LPP: variants seen among roughly 807,000 people sequenced by gnomAD.
The protein encoded by LPP is lipoma-preferred partner.
A neutral mutation model predicts 60.4 loss-of-function variants in LPP; 38 were observed. The ratio of observed to expected loss-of-function variants is 0.63; its 90% CI spans 0.49 to 0.83. The LOEUF (loss-of-function observed/expected upper bound fraction) is 0.83. Among genes scored for constraint, LPP ranks in the 40% least tolerant of loss-of-function variants. The probability of loss-of-function intolerance (pLI) is 0.00; values close to 1 mark genes in which losing one functional copy is unlikely to be tolerated. For synonymous variants in LPP, 328 were observed against 290.8 expected, an observed-to-expected ratio of 1.13 and a Z score of -1.30; for missense variants, 902 against 783.6, an observed-to-expected ratio of 1.15 and a Z score of -1.80.
At chr3:188,563,556 CTATT>C (rs1831306289) in intron 6 of LPP, among the ~76,000 whole-genome samples, 4 of 150,284 alleles carry the variant, frequency 2.7e-5, no homozygotes, top group South Asian at 2.1e-4. Context: ...ATTTGCCATA[CTATT>C]TTTAATTCTG....
intron 7 of LPP, among the ~76,000 whole-genome samples, chr3:188,692,535 G>A (rs1862355276): frequency 6.6e-6 from 1 of 152,144 alleles, no homozygotes; most frequent in Non-Finnish European, 1.5e-5. Context: ...TCTTGAGAAT[G>A]TCCCTTCATC....
Position 188,217,756 on chromosome 3 carries a change from C to G in LPP, c.-189-7649C>G, listed in dbSNP as rs1714208270. ...TGCCCTAGGGGGTTGCCCAGATAAG[C>G]AGCTGGCGTTCCAAGACCAAAGAGT... On this transcript the variant is annotated intron_variant, in intron 1 of 11. Transcript: ENST00000617246. This position sits in a 1 kb window ranked among gnomAD's most constrained non-coding sequence, Gnocchi z 4.0. 6.6e-6 allele frequency among the ~76,000 whole-genome samples: 1 copy of G among 152,144 alleles called. No homozygotes were observed. Among genetic ancestry groups the G allele is most frequent in the African/African-American group, 2.4e-5 (1 of 41,424 alleles).
At position 188,170,441 on chromosome 3, in the gene LPP, C is replaced by T. The variant is rs145951258; in HGVS notation, c.-190+16189C>T. On this transcript the variant is annotated intron_variant, in intron 1 of 11. Coordinates refer to ENST00000617246, the MANE Select transcript of LPP (RefSeq NM_001375462.1). ...CGCCTCCCAGGCTCAAGCAATTCCA[C>T]TGCCTCAGCCTCCTGAGTAGCTGGG... Among the ~76,000 whole-genome samples, 298 of 151,136 alleles carry T rather than the reference C, an allele frequency of 2.0e-3. 2 individuals are homozygous for T. The highest frequency in any genetic ancestry group is 7.0e-3 in the African/African-American group (288 of 41,124).
At chr3:188,599,301 T>G (rs1840601354) in intron 6 of LPP, among the ~76,000 whole-genome samples, 1 of 152,102 alleles carries the variant, frequency 6.6e-6, no homozygotes, top group African/African-American at 2.4e-5. Flanking sequence ...TTTCTTAGTT[T>G]TAATCTGATG....
At chr3:188,607,408 TATATATATAA>T (rs368260876) in intron 6 of LPP, among the ~76,000 whole-genome samples, 1,118 of 42,608 alleles carry the variant, frequency 0.026, 57 homozygotes, top group Middle Eastern at 0.051. Context: ...TATATATATA[TATATATATAA>T]TTTTTTTTTC....
chr3:188,646,063 A>T lies in LPP; in HGVS notation c.1113+36219A>T, dbSNP rs147655983. 1.3e-3 allele frequency among the ~76,000 whole-genome samples: 192 copies of T among 152,310 alleles called. 1 individual carries two copies. The highest frequency in any genetic ancestry group is 4.5e-3 in the African/African-American group (188 of 41,580). On this transcript the variant is annotated intron_variant, in intron 7 of 11. Coordinates refer to ENST00000617246, the MANE Select transcript of LPP (RefSeq NM_001375462.1). Reference sequence around the variant, plus strand: ...GATTTCTTCCGATTTTGACATTGTTATATGTCCTTACCTGTAAAATGAAGA... The same window carrying T: ...GATTTCTTCCGATTTTGACATTGTTTTATGTCCTTACCTGTAAAATGAAGA...
At chr3:188,866,145 G>C (rs1190445233) in intron 9 of LPP, 55 bp from the exon 10 acceptor site, 12 of 1,339,632 alleles carry the variant, frequency 9.0e-6, no homozygotes, top group Non-Finnish European at 1.2e-5. Flanking sequence ...TGCCTGTCAT[G>C]CAGTATGGAC....
At chr3:188,778,403 AG>A (rs1485248721) in intron 9 of LPP, among the ~76,000 whole-genome samples, 1 of 152,210 alleles carries the variant, frequency 6.6e-6, no homozygotes, top group Non-Finnish European at 1.5e-5. Context: ...TACTTCTCAA[AG>A]ATACTAGGAA....
chr3:188,551,917 C>G (rs1444917103), intron 6 of LPP, among the ~76,000 whole-genome samples: 3 of 152,074 alleles, frequency 2.0e-5, no homozygotes, highest in Non-Finnish European at 2.9e-5. Context: ...GGTAAAAATC[C>G]AAATTAGAAT....
At chr3:188,754,026 G>A (rs1258667601) in intron 8 of LPP, among the ~76,000 whole-genome samples, 1 of 152,194 alleles carries the variant, frequency 6.6e-6, no homozygotes, top group Non-Finnish European at 1.5e-5. Context: ...GCTACATTAT[G>A]TAAAGACAGA....
chr3:188,863,605 A>G (rs188949948), intron 9 of LPP, among the ~76,000 whole-genome samples: 39 of 152,350 alleles, frequency 2.6e-4, no homozygotes, highest in African/African-American at 8.2e-4. Flanking sequence ...AGATTGCAGT[A>G]AAAGGCGCAG....
intron 8 of LPP, among the ~76,000 whole-genome samples, chr3:188,722,419 A>G (rs1716796328): frequency 6.6e-6 from 1 of 152,214 alleles, no homozygotes; most frequent in African/African-American, 2.4e-5. Flanking sequence ...ATAAAAATGA[A>G]TAATTCATCT....
intron 6 of LPP, among the ~76,000 whole-genome samples, chr3:188,541,160 C>A (rs1473824744): frequency 6.6e-6 from 1 of 152,212 alleles, no homozygotes; most frequent in Non-Finnish European, 1.5e-5. Flanking sequence ...TGTCACGCTT[C>A]ACCTACCCAG....
intron 2 of LPP, among the ~76,000 whole-genome samples, chr3:188,310,217 CTTTTTTT>C (rs556392757): frequency 3.7e-5 from 5 of 133,648 alleles, no homozygotes; most frequent in South Asian, 2.4e-4. Flanking sequence ...AGTTGTCTTT[CTTTTTTT>C]TTTTTTTTTC....
chr3:188,606,225 G>A (rs1417502699), intron 6 of LPP, among the ~76,000 whole-genome samples: 2 of 152,042 alleles, frequency 1.3e-5, no homozygotes, highest in African/African-American at 2.4e-5. Flanking sequence ...CCTGTCCTTC[G>A]TGACTCCTCT....
rs12493257 is a variant in LPP at position 188,169,774 on chromosome 3, G to A, written c.-190+15522G>A. 5.9e-5 allele frequency among the ~76,000 whole-genome samples: 9 copies of A among 152,112 alleles called. No homozygotes were observed. The South Asian group carries it at 1.5e-3, about 25-fold the overall frequency. ...GCTTTGGGGAAAGCTGCTGTGGGCC[G>A]TGGACCCTGGCCACGAACCTCCCAC... On this transcript the variant is annotated intron_variant, in intron 1 of 11. Transcript: ENST00000617246.
intron 7 of LPP, among the ~76,000 whole-genome samples, chr3:188,673,613 T>C (rs1857390023): frequency 6.6e-6 from 1 of 152,126 alleles, no homozygotes; most frequent in Non-Finnish European, 1.5e-5. Flanking sequence ...ATTTAGCCAG[T>C]AGATCGTGAC....
chr3:188,828,484 G>A (rs573772712), intron 9 of LPP, among the ~76,000 whole-genome samples: 2 of 151,196 alleles, frequency 1.3e-5, no homozygotes, highest in African/African-American at 2.4e-5. Flanking sequence ...GCATGGTGGC[G>A]GGCACCTGTA....
At chr3:188,236,688 T>G (rs1448769803) in intron 2 of LPP, among the ~76,000 whole-genome samples, 2 of 152,208 alleles carry the variant, frequency 1.3e-5, no homozygotes, top group African/African-American at 4.8e-5. Context: ...AAGTGTGAAA[T>G]AGCATTATGT....
Sources: allele counts gnomAD v4.1 joint callset (sites outside exome capture counted in the v4.1 genomes callset), GRCh38; gene constraint gnomAD v4.1.1; non-coding constraint Gnocchi (gnomAD v3.1); transcripts MANE v1.5; gene names NCBI Gene and HGNC (gene_info 2026-07-23, HGNC 2026-07-21).